Variants in NOL4 observed in about 807,000 individuals in gnomAD.
The protein encoded by NOL4 is nucleolar protein 4.
In NOL4, 17 loss-of-function variants were observed where a neutral mutation model predicts 75.9. That is an observed-to-expected ratio of 0.22 (90% CI 0.15 to 0.34). The LOEUF is 0.34. Among genes scored for constraint, NOL4 ranks in the 10% least tolerant of loss-of-function variants. NOL4 has a pLI of 1.00. For synonymous variants in NOL4, 292 were observed against 289.9 expected (o/e 1.01, Z -0.07); for missense variants, 614 against 793.5 (o/e 0.77, Z 2.72).
At chr18:34,158,603 C>T (rs2030881059) in intron 1 of NOL4, 1 of 152,158 alleles carries the variant, frequency 6.6e-6, no homozygotes, top group Non-Finnish European at 1.5e-5. Flanking sequence ...CCCAGATATC[C>T]TGACACAGAA....
At chr18:34,041,229 A>G (rs571342516) in intron 5 of NOL4, among the ~76,000 whole-genome samples, 1 of 151,490 alleles carries the variant, frequency 6.6e-6, no homozygotes, top group South Asian at 2.1e-4. Flanking sequence ...TCAAGTCTTG[A>G]GGTCAACAAG....
chr18:33,963,329 A>C (rs2070304573), intron 6 of NOL4, among the ~76,000 whole-genome samples: 1 of 152,148 alleles, frequency 6.6e-6, no homozygotes, highest in Admixed American at 6.6e-5. Context: ...TTTTTCTATA[A>C]AACTATTTGG....
chr18:34,015,305 C>T (rs1237534380), intron 6 of NOL4, among the ~76,000 whole-genome samples: 1 of 152,010 alleles, frequency 6.6e-6, no homozygotes, highest in Admixed American at 6.6e-5. Flanking sequence ...TGTCTTCAAT[C>T]AAATTTCCCA....
At chr18:34,218,039 T>C (rs1309307784) in intron 1 of NOL4, among the ~76,000 whole-genome samples, 1 of 151,944 alleles carries the variant, frequency 6.6e-6, no homozygotes, top group African/African-American at 2.4e-5. Context: ...TATATAAAGA[T>C]TGTAAAAATG....
At chr18:33,936,956 G>A (rs576700953) in intron 9 of NOL4, among the ~76,000 whole-genome samples, 1 of 151,706 alleles carries the variant, frequency 6.6e-6, no homozygotes, top group East Asian at 1.9e-4. Flanking sequence ...AGATCTTTTT[G>A]GTTTAAGGAA....
intron 9 of NOL4, among the ~76,000 whole-genome samples, chr18:33,891,397 C>G (rs996596516): frequency 1.3e-5 from 2 of 152,072 alleles, no homozygotes; most frequent in African/African-American, 4.8e-5. Context: ...ACAAATAAAG[C>G]ATTATGAAAA....
At chr18:34,159,536 C>A (rs776716458) in intron 1 of NOL4, among the ~76,000 whole-genome samples, 70 of 152,174 alleles carry the variant, frequency 4.6e-4, no homozygotes, top group Non-Finnish European at 8.4e-4. Flanking sequence ...CTGGGAGGCA[C>A]GGTCACGCCG....
intron 5 of NOL4, among the ~76,000 whole-genome samples, chr18:34,044,565 T>C (rs1049631890): frequency 5.0e-4 from 76 of 152,168 alleles, no homozygotes; most frequent in African/African-American, 1.8e-3. Context: ...AAATGCTATA[T>C]ACCAATATTA....
At chr18:33,994,649 G>A (rs925296363) in intron 6 of NOL4, among the ~76,000 whole-genome samples, 4 of 151,654 alleles carry the variant, frequency 2.6e-5, no homozygotes, top group South Asian at 4.1e-4. Flanking sequence ...GCAGTGCTTA[G>A]TGGAAAATTT....
intron 1 of NOL4, among the ~76,000 whole-genome samples, chr18:34,135,056 T>C (rs2080835264): frequency 1.3e-5 from 2 of 152,020 alleles, no homozygotes; most frequent in Admixed American, 6.6e-5. Flanking sequence ...ATGTAAAAAC[T>C]TGATGTGAAA....
chr18:34,044,746 T>C (rs1004164351), intron 5 of NOL4, among the ~76,000 whole-genome samples: 1 of 152,162 alleles, frequency 6.6e-6, no homozygotes, highest in African/African-American at 2.4e-5. Context: ...AAACTTAAGA[T>C]GTCTAAAATC....
intron 10 of NOL4, among the ~76,000 whole-genome samples, chr18:33,855,960 GC>G: frequency 6.6e-6 from 1 of 151,920 alleles, no homozygotes; most frequent in East Asian, 1.9e-4. Context: ...AGGTAGTAGG[GC>G]CCCTTAGGAC....
At chr18:33,934,809 A>C (rs1228623331) in intron 9 of NOL4, among the ~76,000 whole-genome samples, 1 of 151,248 alleles carries the variant, frequency 6.6e-6, no homozygotes, top group Non-Finnish European at 1.5e-5. Context: ...TCTCCATAAC[A>C]GTAATAAGGC....
intron 9 of NOL4, among the ~76,000 whole-genome samples, chr18:33,929,264 A>G (rs952153184): frequency 3.9e-5 from 6 of 152,258 alleles, no homozygotes; most frequent in Admixed American, 3.9e-4. Flanking sequence ...CCTCCATAAG[A>G]AACTGCTGTT....
intron 9 of NOL4, among the ~76,000 whole-genome samples, chr18:33,904,286 T>C (rs77241411): frequency 0.014 from 2,180 of 152,110 alleles, 17 homozygotes; most frequent in Middle Eastern, 0.037. Context: ...AAATAAAAGC[T>C]TGGTCATTGA....
chr18:33,981,011 T>C (rs2071909253), intron 6 of NOL4, among the ~76,000 whole-genome samples: 1 of 151,958 alleles, frequency 6.6e-6, no homozygotes, highest in South Asian at 2.1e-4. Flanking sequence ...GGGATAGAAA[T>C]TTTGAGAAAA....
intron 1 of NOL4, among the ~76,000 whole-genome samples, chr18:34,175,092 A>C (rs1018404207): frequency 6.6e-6 from 1 of 152,168 alleles, no homozygotes; most frequent in Non-Finnish European, 1.5e-5. Flanking sequence ...TGCACTTTAC[A>C]TGTTTTTTAC....
chr18:33,905,455 C>G (rs565430131), intron 9 of NOL4, among the ~76,000 whole-genome samples: 1 of 152,204 alleles, frequency 6.6e-6, no homozygotes, highest in East Asian at 1.9e-4. Flanking sequence ...GGCATATGAG[C>G]TCTTGAAGGA....
At chr18:33,884,579 T>C (rs1021711577) in intron 9 of NOL4, among the ~76,000 whole-genome samples, 9 of 152,054 alleles carry the variant, frequency 5.9e-5, no homozygotes, top group Admixed American at 6.6e-5. Flanking sequence ...TATATACATA[T>C]ATGAATTCAC....
Sources: gnomAD v4.1 joint callset for allele counts (sites outside exome capture counted in the v4.1 genomes callset) on GRCh38, gnomAD v4.1.1 for gene constraint, MANE v1.5 for transcripts, NCBI Gene and HGNC (gene_info 2026-07-23, HGNC 2026-07-21) for gene names.